The following SLC25A12 variants were observed in gnomAD, a reference collection of about 807,000 sequenced individuals.
The protein encoded by SLC25A12 is solute carrier family 25 member 12, also known as electrogenic aspartate/glutamate antiporter SLC25A12, mitochondrial.
SLC25A12 carries 32 observed loss-of-function variants against 83.3 expected under a neutral mutation model. The observed-to-expected ratio is 0.38, with a 90% CI of 0.29 to 0.52. The LOEUF is 0.52. Among genes scored for constraint, SLC25A12 ranks in the 20% least tolerant of loss-of-function variants. SLC25A12 has a pLI of 0.84. For missense variants in SLC25A12, 611 were observed against 835.6 expected, an observed-to-expected ratio of 0.73 and a Z score of 3.31; for synonymous variants, 267 against 291.1, an observed-to-expected ratio of 0.92 and a Z score of 0.84.
At position 171,894,204 on chromosome 2, in the gene SLC25A12, T is replaced by C. The variant is rs1186485179; in HGVS notation, c.11A>G (p.Lys4Arg). 4 of 1,609,048 alleles carry C rather than the reference T, an allele frequency of 2.5e-6. No homozygotes were observed. The highest frequency in any genetic ancestry group is 1.3e-5 in the African/African-American group (1 of 74,890). The part of the protein sequence containing the change: MAV[K>R]VQTTKRGDPH... ...GCAGCAGCAGAGAGTTGGAGTCACCTTGACCGCCATGCTGTGCTCGGAAGC... is the reference window on the plus strand; with the variant it reads ...GCAGCAGCAGAGAGTTGGAGTCACCCTGACCGCCATGCTGTGCTCGGAAGC... The change falls in exon 1 of 18, where the codon AAG becomes AGG. Residue 4 changes from lysine (K) to arginine (R), a missense_variant and splice_region_variant. Transcript: ENST00000422440.
intron 8 of SLC25A12, among the ~76,000 whole-genome samples, chr2:171,832,028 T>G (rs1187851293): frequency 1.3e-5 from 2 of 152,136 alleles, no homozygotes; most frequent in Non-Finnish European, 2.9e-5. Flanking sequence ...ACCCTAGAGA[T>G]TAACCCTTCA....
rs1367811893 is a variant in SLC25A12 at position 171,837,183 on chromosome 2, C to A, written c.550G>T (p.Asp184Tyr). 1.2e-6 allele frequency: 2 copies of A among 1,614,120 alleles called. No homozygotes were observed. The highest frequency in any genetic ancestry group is 1.7e-6 in the Non-Finnish European group (2 of 1,179,996). ...SGMISGLDFSDIMVTIRSHML... is the reference protein window; with the variant it reads ...SGMISGLDFSYIMVTIRSHML... ...TGAGATCTAATGGTAACCATGATGT[C>A]ACTGAAATCCAGACCAGAAATCATG... Residue 184 changes from aspartate to tyrosine, a missense_variant, in exon 6 of 18, where the codon GAC (aspartate) becomes TAC (tyrosine). Asp to Tyr is a radical substitution (Grantham distance 160, BLOSUM62 -3). Coordinates refer to ENST00000422440, the MANE Select transcript of SLC25A12 (RefSeq NM_003705.5).
At chr2:171,817,530 G>A (rs1399194006) in intron 9 of SLC25A12, among the ~76,000 whole-genome samples, 1 of 147,264 alleles carries the variant, frequency 6.8e-6, no homozygotes, top group Non-Finnish European at 1.5e-5. Context: ...TGGACCTGGA[G>A]GTGGAGGTTG....
At chr2:171,792,037 C>A (rs960954339) in intron 14 of SLC25A12, among the ~76,000 whole-genome samples, 4 of 152,152 alleles carry the variant, frequency 2.6e-5, no homozygotes, top group Non-Finnish European at 5.9e-5. Flanking sequence ...AGTAACTACT[C>A]TAGAGCAGGG....
At chr2:171,889,491 A>G (rs1464631064) in intron 2 of SLC25A12, among the ~76,000 whole-genome samples, 12 of 152,274 alleles carry the variant, frequency 7.9e-5, no homozygotes, top group African/African-American at 2.9e-4. Flanking sequence ...AGCTACTTCC[A>G]ATCTCTTCAT....
chr2:171,824,730 A>G (rs551911996), intron 9 of SLC25A12, among the ~76,000 whole-genome samples: 5 of 151,662 alleles, frequency 3.3e-5, no homozygotes, highest in Admixed American at 2.0e-4. Flanking sequence ...ATAAAATTTT[A>G]TTTTTTTAAA....
chr2:171,853,625 G>A (rs1684981147), intron 4 of SLC25A12, among the ~76,000 whole-genome samples: 2 of 151,902 alleles, frequency 1.3e-5, no homozygotes, highest in Non-Finnish European at 2.9e-5. Flanking sequence ...AGGTTGCAGT[G>A]AGCCAAGATC....
chr2:171,878,593 T>A (rs537927650), intron 2 of SLC25A12, among the ~76,000 whole-genome samples: 21 of 152,296 alleles, frequency 1.4e-4, no homozygotes, highest in African/African-American at 5.1e-4. Context: ...CTAGGCAGCT[T>A]TATCTCTGTC....
intron 15 of SLC25A12, among the ~76,000 whole-genome samples, chr2:171,790,766 G>C (rs1312850816): frequency 1.3e-5 from 2 of 151,792 alleles, no homozygotes; most frequent in East Asian, 1.9e-4. Flanking sequence ...GGAGTACAGT[G>C]GTGTCATCTC....
At chr2:171,786,899 T>C (rs1240890353) in intron 17 of SLC25A12, among the ~76,000 whole-genome samples, 6 of 152,210 alleles carry the variant, frequency 3.9e-5, no homozygotes, top group African/African-American at 7.2e-5. Flanking sequence ...CTTGGGACTT[T>C]GAAAGAAAAT....
intron 2 of SLC25A12, among the ~76,000 whole-genome samples, chr2:171,869,679 A>G (rs1200491871): frequency 6.6e-6 from 1 of 152,236 alleles, no homozygotes; most frequent in East Asian, 1.9e-4. Context: ...TTTATATACT[A>G]TGGGATGACC....
chr2:171,785,161 G>T lies in SLC25A12; in HGVS notation c.*113C>A. The T allele has an allele frequency of 1.1e-6, 1 of 946,016 alleles. No homozygotes were observed. Among genetic ancestry groups the T allele is most frequent in the Non-Finnish European group, 1.7e-6 (1 of 589,494 alleles). The allele number at this position is 946,016 out of a possible 1,614,324, so 58.6% of individuals were successfully genotyped here. ...ATGTATATGTCATACAGAAAGAAGA[G>T]TTTGACTCCTCAGCTCAGTCAGTAC... On this transcript the variant is annotated 3_prime_UTR_variant, in exon 18 of 18. Transcript: ENST00000422440.
At chr2:171,790,661 A>G (rs1375835775) in intron 15 of SLC25A12, among the ~76,000 whole-genome samples, 1 of 152,232 alleles carries the variant, frequency 6.6e-6, no homozygotes, top group African/African-American at 2.4e-5. Flanking sequence ...AGAAGCTATT[A>G]GCCTAGTACA....
chr2:171,867,639 G>C (rs1423280298), intron 3 of SLC25A12, among the ~76,000 whole-genome samples: 1 of 151,130 alleles, frequency 6.6e-6, no homozygotes, highest in Non-Finnish European at 1.5e-5. Flanking sequence ...AGACCGTGGG[G>C]AGAGGGAGAG....
intron 2 of SLC25A12, among the ~76,000 whole-genome samples, chr2:171,888,478 G>T (rs888466788): frequency 6.6e-6 from 1 of 151,958 alleles, no homozygotes; most frequent in African/African-American, 2.4e-5. Context: ...GTCTCGCTCT[G>T]TCGCCCAGGC....
intron 2 of SLC25A12, among the ~76,000 whole-genome samples, chr2:171,882,366 C>T (rs937171662): frequency 1.3e-5 from 2 of 152,198 alleles, no homozygotes; most frequent in Non-Finnish European, 2.9e-5. Flanking sequence ...CCTTCTAGTA[C>T]ATGGGTTTTC....
At chr2:171,839,791 A>G (rs1215885350) in intron 5 of SLC25A12, among the ~76,000 whole-genome samples, 1 of 152,130 alleles carries the variant, frequency 6.6e-6, no homozygotes, top group Non-Finnish European at 1.5e-5. Context: ...CCCCCAAAAG[A>G]TTCAATTATT....
intron 13 of SLC25A12, among the ~76,000 whole-genome samples, chr2:171,797,054 T>G (rs1329081995): frequency 6.6e-6 from 1 of 152,212 alleles, no homozygotes; most frequent in African/African-American, 2.4e-5. Flanking sequence ...AATACCATAT[T>G]TCTTCTAAGA....
At chr2:171,820,727 CAAAAAAA>C (rs375978724) in intron 9 of SLC25A12, among the ~76,000 whole-genome samples, 3 of 109,620 alleles carry the variant, frequency 2.7e-5, no homozygotes, top group South Asian at 3.0e-4. Context: ...GACTCCGTCT[CAAAAAAA>C]AAAAAAAAAA....
Sources: allele counts gnomAD v4.1 joint callset (sites outside exome capture counted in the v4.1 genomes callset), GRCh38; gene constraint gnomAD v4.1.1; transcripts MANE v1.5; gene names NCBI Gene and HGNC (gene_info 2026-07-23, HGNC 2026-07-21).